LRRC8B: variants seen among roughly 807,000 people sequenced by gnomAD.
The protein encoded by LRRC8B is volume-regulated anion channel subunit LRRC8B.
Under a neutral mutation model 58.8 loss-of-function variants are expected in LRRC8B, and 23 were observed. That is an observed-to-expected ratio of 0.39 (90% CI 0.28 to 0.55). The LOEUF (loss-of-function observed/expected upper bound fraction) is 0.55. Ranked by LOEUF, LRRC8B falls within the 20% of genes least tolerant of loss-of-function variation. LRRC8B has a pLI of 0.62. For missense variants in LRRC8B, 694 were observed against 936.0 expected, an observed-to-expected ratio of 0.74 and a Z score of 3.37; for synonymous variants, 359 against 374.1, an observed-to-expected ratio of 0.96 and a Z score of 0.47.
chr1:89,573,760 G>A (rs1388172031), intron 3 of LRRC8B, among the ~76,000 whole-genome samples: 1 of 152,102 alleles, frequency 6.6e-6, no homozygotes, highest in African/African-American at 2.4e-5. Flanking sequence ...CAGCAATTCT[G>A]TCCTTCACTC....
At chr1:89,547,322 ACT>A (rs762411816) in intron 1 of LRRC8B, among the ~76,000 whole-genome samples, 1 of 151,896 alleles carries the variant, frequency 6.6e-6, no homozygotes, top group Non-Finnish European at 1.5e-5. Flanking sequence ...TATCTTAAAG[ACT>A]CTTTCTGTTT....
Position 89,524,964 on chromosome 1 carries a change from C to A in LRRC8B, c.-299C>A, listed in dbSNP as rs1649538614. The A allele has an allele frequency of 6.6e-6, 1 of 152,144 alleles. No individual in the cohort carries two copies. Among genetic ancestry groups the A allele is most frequent in the Non-Finnish European group, 1.5e-5 (1 of 68,042 alleles). 9.4% of individuals were successfully genotyped at this position (152,144 alleles called of 1,614,324 possible). ...GGCGCGGGGCCGCAGCCTGCCCGCC[C>A]GGAGCGGCCCAGGAGCACGCCGCGG... On this transcript the variant is annotated 5_prime_UTR_variant, in exon 1 of 6. Coordinates refer to ENST00000330947, the MANE Select transcript of LRRC8B (RefSeq NM_001369817.2).
At chr1:89,584,835 T>C (rs376549278) in intron 5 of LRRC8B, 46 bp downstream of exon 5, 37 of 1,317,968 alleles carry the variant, frequency 2.8e-5, no homozygotes, top group Non-Finnish European at 3.2e-5. Context: ...GCCGTACTTA[T>C]AGTGCATTAC....
In LRRC8B at chr1:89,524,969, C is replaced by A. The variant is rs1649539144; in HGVS notation, c.-294C>A. On this transcript the variant is annotated 5_prime_UTR_variant, in exon 1 of 6. Coordinates refer to ENST00000330947, the MANE Select transcript of LRRC8B (RefSeq NM_001369817.2). ...GGGGCCGCAGCCTGCCCGCCCGGAG[C>A]GGCCCAGGAGCACGCCGCGGGGAGC... The A allele has an allele frequency of 6.6e-6, 1 of 152,148 alleles. No individual in the cohort carries two copies. The highest frequency in any genetic ancestry group is 1.5e-5 in the Non-Finnish European group (1 of 68,052). The allele number at this position is 152,148 out of a possible 1,614,324, so 9.4% of individuals were successfully genotyped here.
chr1:89,552,440 G>T (rs1570587634), intron 1 of LRRC8B, among the ~76,000 whole-genome samples: 1 of 152,048 alleles, frequency 6.6e-6, no homozygotes, highest in South Asian at 2.1e-4. Flanking sequence ...ACTATCCTTA[G>T]ACAATAAGAA....
intron 4 of LRRC8B, among the ~76,000 whole-genome samples, chr1:89,580,570 T>C (rs1384293166): frequency 3.9e-5 from 6 of 152,156 alleles, no homozygotes; most frequent in Non-Finnish European, 1.5e-5. Context: ...GACTTTCTCT[T>C]TGCTTCATGT....
At chr1:89,532,295 A>C (rs1650199625) in intron 1 of LRRC8B, among the ~76,000 whole-genome samples, 1 of 152,106 alleles carries the variant, frequency 6.6e-6, no homozygotes, top group South Asian at 2.1e-4. Context: ...GAAAGCAAGA[A>C]CTTTGTCTCC....
At chr1:89,562,869 A>G (rs1271766296) in intron 1 of LRRC8B, among the ~76,000 whole-genome samples, 2 of 152,156 alleles carry the variant, frequency 1.3e-5, no homozygotes, top group African/African-American at 4.8e-5. Context: ...CCACCCAGGG[A>G]AGGATGTACC....
intron 1 of LRRC8B, among the ~76,000 whole-genome samples, chr1:89,563,457 C>G (rs1341286426): frequency 6.6e-6 from 1 of 152,120 alleles, no homozygotes; most frequent in Non-Finnish European, 1.5e-5. Context: ...AAAGGCTTCA[C>G]AACACTTTGC....
chr1:89,591,138 G>A (rs192333315), intron 5 of LRRC8B, among the ~76,000 whole-genome samples: 7 of 152,330 alleles, frequency 4.6e-5, no homozygotes, highest in Admixed American at 3.9e-4. Context: ...GCAGCTAGCT[G>A]GGAGCCTGGC....
At position 89,595,430 on chromosome 1, in the gene LRRC8B, A is replaced by G. The variant is rs2101125583; in HGVS notation, c.*2387A>G. The stretch of plus-strand genomic sequence containing the variant: ...GCCACATAACTAGCTAGAATTTCAA[A>G]ACAAAATTCAGATTTGCTACCATTC... On this transcript the variant is annotated 3_prime_UTR_variant, in exon 6 of 6. Coordinates refer to ENST00000330947, the MANE Select transcript of LRRC8B (RefSeq NM_001369817.2). 6.6e-6 allele frequency: 1 copy of G among 152,270 alleles called. No individual in the cohort carries two copies. Among genetic ancestry groups the G allele is most frequent in the East Asian group, 1.9e-4 (1 of 5,188 alleles). 9.4% of individuals were successfully genotyped at this position (152,270 alleles called of 1,614,324 possible).
intron 1 of LRRC8B, among the ~76,000 whole-genome samples, chr1:89,527,854 G>C (rs1181854466): frequency 1.3e-5 from 2 of 152,090 alleles, no homozygotes; most frequent in African/African-American, 2.4e-5. Context: ...TTGAACAAAG[G>C]GTAACAATAA....
chr1:89,546,550 T>C (rs996210500), intron 1 of LRRC8B, among the ~76,000 whole-genome samples: 2 of 152,228 alleles, frequency 1.3e-5, no homozygotes, highest in African/African-American at 4.8e-5. Flanking sequence ...ATAGATGTAT[T>C]TTCCCTTCTT....
chr1:89,563,429 A>G (rs1570607135), intron 1 of LRRC8B, among the ~76,000 whole-genome samples: 2 of 152,302 alleles, frequency 1.3e-5, no homozygotes, highest in African/African-American at 4.8e-5. Flanking sequence ...TTTTAAAAAC[A>G]TTGCATCAAG....
intron 1 of LRRC8B, among the ~76,000 whole-genome samples, chr1:89,525,703 T>C (rs1649637940): frequency 6.6e-6 from 1 of 152,218 alleles, no homozygotes; most frequent in African/African-American, 2.4e-5. Flanking sequence ...CATTAATCTG[T>C]GTGCTCAACT....
chr1:89,595,377 A>G lies in LRRC8B; in HGVS notation c.*2334A>G, dbSNP rs943107322. ...GCATGTGATTAAGTTTTGGACATGA[A>G]TATGCCAAAAGTGCTTAAATGTTTT... On this transcript the variant is annotated 3_prime_UTR_variant, in exon 6 of 6. Transcript: ENST00000330947. 3.3e-5 allele frequency: 5 copies of G among 152,160 alleles called. No individual in the cohort carries two copies. The highest frequency in any genetic ancestry group is 4.1e-4 in the South Asian group (2 of 4,834). The allele number at this position is 152,160 out of a possible 1,614,324, so 9.4% of individuals were successfully genotyped here.
At chr1:89,581,569 T>C (rs1015018779) in intron 4 of LRRC8B, among the ~76,000 whole-genome samples, 1 of 152,196 alleles carries the variant, frequency 6.6e-6, no homozygotes, top group Non-Finnish European at 1.5e-5. Context: ...TTTGAAACAA[T>C]TGATGTATGT....
intron 1 of LRRC8B, among the ~76,000 whole-genome samples, chr1:89,539,532 C>A (rs550861334): frequency 6.6e-6 from 1 of 152,272 alleles, no homozygotes; most frequent in Admixed American, 6.5e-5. Context: ...CTTTATCAGT[C>A]CTTATTCTAC....
At chr1:89,577,126 T>C (rs1166291978) in intron 3 of LRRC8B, among the ~76,000 whole-genome samples, 1 of 152,184 alleles carries the variant, frequency 6.6e-6, no homozygotes, top group African/African-American at 2.4e-5. Context: ...AGAGAACCGC[T>C]ATTTGGAATT....
Sources: gnomAD v4.1 joint callset for allele counts (sites outside exome capture counted in the v4.1 genomes callset) on GRCh38, gnomAD v4.1.1 for gene constraint, MANE v1.5 for transcripts, NCBI Gene and HGNC (gene_info 2026-07-23, HGNC 2026-07-21) for gene names.